PRRX1: variants seen among roughly 807,000 people sequenced by gnomAD.
PRRX1 encodes the protein paired mesoderm homeobox protein 1.
In PRRX1, 8 loss-of-function variants were observed where a neutral mutation model predicts 24.0. That is an observed-to-expected ratio of 0.33 (90% CI 0.20 to 0.60). The LOEUF is 0.60. Among genes scored for constraint, PRRX1 ranks in the 20% least tolerant of loss-of-function variants. The pLI is 0.82. For synonymous variants in PRRX1, 160 were observed against 131.7 expected (o/e 1.22, Z -1.47); for missense variants, 281 against 322.4 (o/e 0.87, Z 0.98).
chr1:170,723,948 A>AT (rs34840883), intron 2 of PRRX1, among the ~76,000 whole-genome samples: 76,558 of 152,016 alleles, frequency 0.5, 19,583 homozygotes, highest in Middle Eastern at 0.71. Context: ...GAGGTCCATC[A>AT]TATGTGGTGC....
At chr1:170,713,398 A>C (rs190963684) in intron 1 of PRRX1, among the ~76,000 whole-genome samples, 2 of 152,320 alleles carry the variant, frequency 1.3e-5, no homozygotes, top group East Asian at 3.9e-4. Context: ...TCCTTTAAGG[A>C]AAATGTCTTA....
chr1:170,726,251 G>T lies in PRRX1; in HGVS notation c.449G>T (p.Arg150Leu). 1.2e-6 allele frequency: 2 copies of T among 1,613,886 alleles called. No homozygotes were observed. The highest frequency in any genetic ancestry group is 1.3e-5 in the African/African-American group (1 of 74,932). ...VWFQNRRAKF[R>L]RNERAMLANK... ...TTTCAGAACCGAAGAGCCAAGTTCC[G>T]CAGGAATGAGAGAGCCATGCTAGCC... The change falls in exon 3 of 4, where the codon CGC (arginine) becomes CTC (leucine). Residue 150 changes from arginine to leucine, a missense_variant. By Grantham distance (102) the Arg-to-Leu change is moderately radical (BLOSUM62 -2). Coordinates refer to ENST00000239461, the MANE Select transcript of PRRX1 (RefSeq NM_022716.4).
intron 1 of PRRX1, among the ~76,000 whole-genome samples, chr1:170,688,203 C>A (rs902332635): frequency 2.0e-5 from 3 of 151,734 alleles, no homozygotes; most frequent in African/African-American, 7.3e-5. Flanking sequence ...GACTTTGGAC[C>A]CAGAAAGCAG....
chr1:170,663,626 G>A (rs1313856824), upstream of PRRX1: 1 of 152,234 alleles, frequency 6.6e-6, no homozygotes, highest in Non-Finnish European at 1.5e-5. Flanking sequence ...CAGAGAGGGG[G>A]GAACACGTTT....
chr1:170,707,462 G>A (rs1441524481), intron 1 of PRRX1, among the ~76,000 whole-genome samples: 1 of 151,936 alleles, frequency 6.6e-6, no homozygotes, highest in Non-Finnish European at 1.5e-5. Flanking sequence ...GCCCAAATCA[G>A]TTACCATGCA....
At chr1:170,706,753 A>G (rs538210750) in intron 1 of PRRX1, among the ~76,000 whole-genome samples, 4 of 152,202 alleles carry the variant, frequency 2.6e-5, no homozygotes, top group Non-Finnish European at 5.9e-5. Flanking sequence ...CTATATTCGT[A>G]TCACTTGGTG....
chr1:170,701,001 T>C (rs1654336911), intron 1 of PRRX1, among the ~76,000 whole-genome samples: 1 of 152,226 alleles, frequency 6.6e-6, no homozygotes, highest in African/African-American at 2.4e-5. Flanking sequence ...TTCATAGGGC[T>C]GTTATGAGGA....
chr1:170,698,953 C>CTGT (rs1486801213), intron 1 of PRRX1, among the ~76,000 whole-genome samples: 1 of 152,214 alleles, frequency 6.6e-6, no homozygotes, highest in Admixed American at 6.5e-5. Context: ...GCTGCCAAGA[C>CTGT]TGTTATCCTG....
At chr1:170,718,336 G>A (rs564010661) in intron 1 of PRRX1, among the ~76,000 whole-genome samples, 1 of 152,326 alleles carries the variant, frequency 6.6e-6, no homozygotes, top group Non-Finnish European at 1.5e-5. Flanking sequence ...TCAGTTGTCA[G>A]GCCTCTGGAT....
At chr1:170,715,848 G>GA (rs1414385098) in intron 1 of PRRX1, among the ~76,000 whole-genome samples, 2 of 152,176 alleles carry the variant, frequency 1.3e-5, no homozygotes, top group African/African-American at 4.8e-5. Context: ...AGCTAGTATG[G>GA]AAAAATCTGT....
chr1:170,730,873 A>G (rs1364964802), intron 3 of PRRX1, among the ~76,000 whole-genome samples: 1 of 152,172 alleles, frequency 6.6e-6, no homozygotes, highest in Non-Finnish European at 1.5e-5. Flanking sequence ...GAACCTATCG[A>G]TAAGCAGTGT....
chr1:170,708,053 T>C (rs1654622173), intron 1 of PRRX1, among the ~76,000 whole-genome samples: 1 of 152,216 alleles, frequency 6.6e-6, no homozygotes, highest in East Asian at 1.9e-4. Context: ...TCAATACAAC[T>C]TTTTCTTAGG....
At chr1:170,698,202 C>A (rs1182831950) in intron 1 of PRRX1, among the ~76,000 whole-genome samples, 1 of 152,016 alleles carries the variant, frequency 6.6e-6, no homozygotes, top group African/African-American at 2.4e-5. Flanking sequence ...AGAGAAACTC[C>A]AGGACCATTT....
chr1:170,686,391 G>A (rs1653744493), intron 1 of PRRX1, among the ~76,000 whole-genome samples: 1 of 152,122 alleles, frequency 6.6e-6, no homozygotes, highest in African/African-American at 2.4e-5. Flanking sequence ...AGAAGGGAAG[G>A]AAGAGACGTG....
intron 1 of PRRX1, among the ~76,000 whole-genome samples, chr1:170,701,699 A>T (rs866889379): frequency 1.3e-5 from 2 of 152,150 alleles, no homozygotes; most frequent in South Asian, 4.1e-4. Context: ...GTCAGACAGA[A>T]AATATATTTT....
intron 1 of PRRX1, among the ~76,000 whole-genome samples, chr1:170,695,947 C>A (rs1654152401): frequency 6.6e-6 from 1 of 152,090 alleles, no homozygotes; most frequent in Admixed American, 6.6e-5. Flanking sequence ...ATCCAGATGT[C>A]CAGTGTGGAG....
chr1:170,681,706 C>A (rs1224076665), intron 1 of PRRX1, among the ~76,000 whole-genome samples: 1 of 152,168 alleles, frequency 6.6e-6, no homozygotes, highest in South Asian at 2.1e-4. Context: ...ACATGCCACC[C>A]AGCCCTTATG....
At chr1:170,705,722 C>G (rs998861807) in intron 1 of PRRX1, among the ~76,000 whole-genome samples, 2 of 152,138 alleles carry the variant, frequency 1.3e-5, no homozygotes, top group East Asian at 3.8e-4. Context: ...TAGTACTGTA[C>G]TAGGTAATGA....
intron 1 of PRRX1, among the ~76,000 whole-genome samples, chr1:170,685,379 T>C (rs1034859837): frequency 3.9e-5 from 6 of 152,128 alleles, no homozygotes; most frequent in Admixed American, 6.5e-5. Flanking sequence ...AGCAGCTGAC[T>C]CAGGAACAAC....
Sources: gnomAD v4.1 joint callset for allele counts (sites outside exome capture counted in the v4.1 genomes callset) on GRCh38, gnomAD v4.1.1 for gene constraint, MANE v1.5 for transcripts, NCBI Gene and HGNC (gene_info 2026-07-23, HGNC 2026-07-21) for gene names.